Variants in ADGRL3 observed in about 807,000 individuals in gnomAD.
ADGRL3 encodes the protein adhesion G protein-coupled receptor L3.
In ADGRL3, 62 loss-of-function variants were observed where a neutral mutation model predicts 153.5. That is an observed-to-expected ratio of 0.40 (90% CI 0.33 to 0.50). The LOEUF (loss-of-function observed/expected upper bound fraction) is 0.50, where lower values mean the gene tolerates loss of function less well. Ranked by LOEUF, ADGRL3 falls within the 20% of genes least tolerant of loss-of-function variation. The probability of loss-of-function intolerance (pLI) is 0.47; values close to 1 mark genes in which losing one functional copy is unlikely to be tolerated. For missense variants in ADGRL3, 1,641 were observed against 1,859.4 expected, an observed-to-expected ratio of 0.88 and a Z score of 2.16; for synonymous variants, 710 against 672.5, an observed-to-expected ratio of 1.06 and a Z score of -0.86.
In ADGRL3 at chr4:62,076,010, C is replaced by T. The variant is rs943926066; in HGVS notation, c.*5102C>T. On this transcript the variant is annotated 3_prime_UTR_variant, in exon 27 of 27. Transcript: ENST00000683033. ...TTTGGTTTAAAAGGGAAACTTTCAC[C>T]TGTACACATACACACTCTGATTCCA... 16 of 152,164 alleles carry T rather than the reference C, an allele frequency of 1.1e-4. No individual in the cohort carries two copies. Among genetic ancestry groups the T allele is most frequent in the Middle Eastern group, 3.4e-3 (1 of 294 alleles). The allele number at this position is 152,164 out of a possible 1,614,324, so 9.4% of individuals were successfully genotyped here.
chr4:61,998,154 C>G lies in ADGRL3; in HGVS notation c.3304-20C>G. The stretch of plus-strand genomic sequence containing the variant: ...TTCCTACTCCAATTATGCTACATAA[C>G]ACTACCTTTTGCATTCCAGCTTAAT... On this transcript the variant is annotated intron_variant, in intron 20 of 26. Transcript: ENST00000683033. 7 of 1,377,096 alleles carry G rather than the reference C, an allele frequency of 5.1e-6. No homozygotes were observed. Among genetic ancestry groups the G allele is most frequent in the Non-Finnish European group, 7.0e-6 (7 of 997,630 alleles). 85.3% of individuals were successfully genotyped at this position (1,377,096 alleles called of 1,614,324 possible). A position where few individuals can be genotyped will look rare whatever the true frequency, so the allele number is the denominator to read the frequency against.
intron 5 of ADGRL3, among the ~76,000 whole-genome samples, chr4:61,655,549 G>GA (rs1458180100): frequency 1.3e-5 from 2 of 151,980 alleles, no homozygotes; most frequent in African/African-American, 2.4e-5. Context: ...CTTACACTTG[G>GA]AAAAAATTAA....
At chr4:61,310,369 C>T (rs563970281) in intron 1 of ADGRL3, among the ~76,000 whole-genome samples, 1 of 152,102 alleles carries the variant, frequency 6.6e-6, no homozygotes, top group South Asian at 2.1e-4. Flanking sequence ...GACAGATGCA[C>T]TGATAGTTTT....
intron 6 of ADGRL3, among the ~76,000 whole-genome samples, chr4:61,728,159 T>A (rs1170705656): frequency 6.6e-6 from 1 of 152,108 alleles, no homozygotes; most frequent in Non-Finnish European, 1.5e-5. Context: ...AGGACTGTTT[T>A]ACTTCAGTCT....
chr4:61,546,581 C>T (rs1330245093), intron 4 of ADGRL3, among the ~76,000 whole-genome samples: 1 of 152,106 alleles, frequency 6.6e-6, no homozygotes, highest in African/African-American at 2.4e-5. Context: ...TGCCGTACTA[C>T]TGCACATACT....
intron 2 of ADGRL3, among the ~76,000 whole-genome samples, chr4:61,424,861 C>T (rs1052920219): frequency 1.3e-5 from 2 of 152,084 alleles, no homozygotes; most frequent in Non-Finnish European, 1.5e-5. Context: ...GGGGTAGAGC[C>T]ACCAAGGGGC....
rs190916856 is a variant in ADGRL3, at chr4:61,336,490, C to T, written c.-239-46634C>T. Among the ~76,000 whole-genome samples, 304 of 149,212 alleles carry T rather than the reference C, an allele frequency of 2.0e-3. 1 individual carries two copies. The highest frequency in any genetic ancestry group is 6.0e-3 in the African/African-American group (249 of 41,290). On this transcript the variant is annotated intron_variant, in intron 1 of 26. Coordinates refer to ENST00000683033, the MANE Select transcript of ADGRL3 (RefSeq NM_001387552.1). ...TGAGGAGTAACGTACTTTCTTGAGA[C>T]GGTCTATCTGTTTGGGCTTTTCCTC...
chr4:61,286,352 T>A (rs551364424), intron 1 of ADGRL3, among the ~76,000 whole-genome samples: 23 of 151,430 alleles, frequency 1.5e-4, no homozygotes, highest in Non-Finnish European at 2.8e-4. Flanking sequence ...TTGTTTAGTA[T>A]CTTTTTCAGC....
At position 61,934,953 on chromosome 4, in the gene ADGRL3, G is replaced by T. The variant is rs746151191; in HGVS notation, c.2226G>T (p.Glu742Asp). 2.5e-6 allele frequency: 4 copies of T among 1,613,862 alleles called. No individual in the cohort carries two copies. Among genetic ancestry groups the T allele is most frequent in the Admixed American group, 1.7e-5 (1 of 59,980 alleles). ...CCACCATGTTGCTTCATACTGTGGA[G>T]GAAAGTGCTTTTGTGCTGGCTGATA... Reference protein sequence around the residue: ...RAATMLLHTVEESAFVLADNL... With the variant: ...RAATMLLHTVDESAFVLADNL... The change falls in exon 14 of 27, where the codon GAG (glutamate) becomes GAT (aspartate). Residue 742 changes from glutamate (E) to aspartate (D), a missense_variant. Transcript: ENST00000683033.
chr4:61,416,084 GT>G (rs1437245725), intron 2 of ADGRL3, among the ~76,000 whole-genome samples: 3 of 151,952 alleles, frequency 2.0e-5, no homozygotes, highest in Non-Finnish European at 4.4e-5. Context: ...ATAGAATATA[GT>G]TTTTTAAATA....
At chr4:61,698,645 A>C (rs900906921) in intron 6 of ADGRL3, among the ~76,000 whole-genome samples, 2 of 152,192 alleles carry the variant, frequency 1.3e-5, no homozygotes, top group African/African-American at 4.8e-5. Context: ...AATTGTTTAC[A>C]AAAGTGTTAG....
intron 6 of ADGRL3, among the ~76,000 whole-genome samples, chr4:61,706,159 C>T (rs1561096204): frequency 6.6e-6 from 1 of 152,038 alleles, no homozygotes; most frequent in Non-Finnish European, 1.5e-5. Flanking sequence ...CGGTGGCTCA[C>T]GCTTGTAATC....
chr4:62,033,749 C>G (rs1167964229), intron 23 of ADGRL3, among the ~76,000 whole-genome samples: 1 of 151,764 alleles, frequency 6.6e-6, no homozygotes, highest in East Asian at 1.9e-4. Context: ...ATTTGCCTGT[C>G]GTCTTTATTT....
At chr4:61,459,794 T>C (rs986573698) in intron 2 of ADGRL3, among the ~76,000 whole-genome samples, 4 of 152,118 alleles carry the variant, frequency 2.6e-5, no homozygotes, top group Admixed American at 2.0e-4. Flanking sequence ...TTTCTCTAAA[T>C]ATTAGTGATA....
intron 21 of ADGRL3, among the ~76,000 whole-genome samples, chr4:62,026,877 A>G (rs1048964486): frequency 1.3e-5 from 2 of 152,092 alleles, no homozygotes; most frequent in African/African-American, 4.8e-5. Context: ...TCAATATAGT[A>G]ACTGTTTTAC....
intron 17 of ADGRL3, among the ~76,000 whole-genome samples, chr4:61,955,595 C>G (rs1335037586): frequency 6.6e-6 from 1 of 151,914 alleles, no homozygotes; most frequent in Non-Finnish European, 1.5e-5. Context: ...CTTTAAGTTC[C>G]AGGATACATG....
intron 8 of ADGRL3, among the ~76,000 whole-genome samples, chr4:61,789,405 T>TC (rs1466301403): frequency 1.3e-5 from 2 of 152,156 alleles, no homozygotes; most frequent in Admixed American, 6.6e-5. Context: ...GGCCAATTAA[T>TC]CACCAAGCGT....
chr4:61,216,367 C>CT (rs924458662), intron 1 of ADGRL3, among the ~76,000 whole-genome samples: 40 of 151,560 alleles, frequency 2.6e-4, no homozygotes, highest in African/African-American at 8.2e-4. Context: ...TTTATCTCAG[C>CT]TTTTTTTTAA....
intron 9 of ADGRL3, among the ~76,000 whole-genome samples, chr4:61,873,844 G>T (rs1302607510): frequency 1.3e-5 from 2 of 151,926 alleles, no homozygotes; most frequent in African/African-American, 4.8e-5. Flanking sequence ...CTGGCATCTA[G>T]TGTGTAGAGT....
Sources: gnomAD v4.1 joint callset for allele counts (sites outside exome capture counted in the v4.1 genomes callset) on GRCh38, gnomAD v4.1.1 for gene constraint, MANE v1.5 for transcripts, NCBI Gene and HGNC (gene_info 2026-07-23, HGNC 2026-07-21) for gene names.